The following STRA6 variants were observed in gnomAD, a reference collection of about 807,000 sequenced individuals.
STRA6 encodes the protein receptor for retinol uptake STRA6.
A neutral mutation model predicts 83.6 loss-of-function variants in STRA6; 48 were observed. The observed-to-expected ratio is 0.57, with a 90% CI of 0.46 to 0.73. The LOEUF (loss-of-function observed/expected upper bound fraction) is 0.73. Ranked by LOEUF, STRA6 falls within the 30% of genes least tolerant of loss-of-function variation. The pLI is 0.00. For synonymous variants in STRA6, 353 were observed against 362.3 expected (o/e 0.97, Z 0.29); for missense variants, 760 against 838.8 (o/e 0.91, Z 1.16).
chr15:74,196,057 G>A lies in STRA6; in HGVS notation c.357C>T (p.Pro119=), dbSNP rs139775570. The A allele has an allele frequency of 1.3e-3, 2,173 of 1,613,852 alleles. 2 individuals carry two copies. Among genetic ancestry groups the A allele is most frequent in the Non-Finnish European group, 1.7e-3 (2,009 of 1,180,016 alleles). Residue 119 remains proline (P), a synonymous_variant, in exon 5 of 19, where the codon CCC becomes CCT. Coordinates refer to ENST00000395105, the MANE Select transcript of STRA6 (RefSeq NM_022369.4). ...VLLSSLCLLL[P]DEDALPFLTL... ...TCAGGAAGGGCAATGCGTCCTCGTC[G>A]GGGAGCAGCAAACACAGGGAGCTCA...
At chr15:74,199,780 C>T (rs1256256632) in intron 2 of STRA6, among the ~76,000 whole-genome samples, 1 of 152,128 alleles carries the variant, frequency 6.6e-6, no homozygotes, top group Non-Finnish European at 1.5e-5. Context: ...ACTTTTTGTG[C>T]CATGGGACAG....
intron 17 of STRA6, 76 bp downstream of exon 17, chr15:74,181,219 C>T: frequency 9.5e-6 from 15 of 1,586,196 alleles, no homozygotes; most frequent in Non-Finnish European, 1.2e-5. Flanking sequence ...GCTGGCACGG[C>T]CCTGGGGCAG....
chr15:74,196,195 C>A (rs756150697), intron 4 of STRA6, 48 bp from the exon 5 acceptor site: 3 of 1,608,336 alleles, frequency 1.9e-6, no homozygotes, highest in South Asian at 1.1e-5. Flanking sequence ...TCAGCCCCTG[C>A]ACCCCCATTA....
chr15:74,191,543 G>C (rs551167372), intron 8 of STRA6, 52 bp from the exon 9 acceptor site: 2 of 1,501,506 alleles, frequency 1.3e-6, no homozygotes, highest in African/African-American at 2.7e-5. Context: ...CGACCCATTC[G>C]TGGGTCCCTG....
At chr15:74,189,045 G>A (rs2073396811) in intron 12 of STRA6, 70 bp downstream of exon 12, 1 of 1,581,080 alleles carries the variant, frequency 6.3e-7, no homozygotes, top group Non-Finnish European at 8.6e-7. Context: ...TGGCTGACTA[G>A]GGCATAGACC....
chr15:74,209,169 C>G, upstream of STRA6: 1 of 1,272,550 alleles, frequency 7.9e-7, no homozygotes, highest in South Asian at 1.7e-5. Context: ...AGAGCAGGGG[C>G]TGGGGCCCCA....
intron 12 of STRA6, among the ~76,000 whole-genome samples, chr15:74,185,918 T>A (rs1186382049): frequency 2.6e-5 from 4 of 152,168 alleles, no homozygotes. Context: ...TGCACCCTGA[T>A]CTCATCAGTC....
rs146105072 is a variant in STRA6, at chr15:74,180,194, G to A, written c.1890C>T (p.Pro630=). ...TKDSMAKGAR[P]GASRGRARWG... is the part of the protein sequence containing the mutation. ...AGCGAGCCCTGCCGCGGCTGGCCCCGGGCCTAGCTCCCTTGGCCATGGAGT... is the reference window on the plus strand; with the variant it reads ...AGCGAGCCCTGCCGCGGCTGGCCCCAGGCCTAGCTCCCTTGGCCATGGAGT... Residue 630 remains proline (P), a synonymous_variant, in exon 19 of 19, where the codon CCC becomes CCT. Coordinates refer to ENST00000395105, the MANE Select transcript of STRA6 (RefSeq NM_022369.4). The A allele has an allele frequency of 2.7e-5, 43 of 1,613,958 alleles. No homozygotes were observed. The highest frequency in any genetic ancestry group is 2.0e-4 in the African/African-American group (15 of 74,944).
At position 74,197,772 on chromosome 15, in the gene STRA6, C is replaced by T. The variant is rs370760511; in HGVS notation, c.160G>A (p.Ala54Thr). 3 of 1,613,616 alleles carry T rather than the reference C, an allele frequency of 1.9e-6. No individual in the cohort carries two copies. In the South Asian group the frequency reaches 3.3e-5, roughly 18 times the overall value. Residue 54 changes from alanine (A) to threonine (T), a missense_variant, in exon 3 of 19, where the codon GCC becomes ACC. Transcript: ENST00000395105. ...CTCACTGACAGCGAGGCCAGGCAGG[C>T]GTGGTACAGGCCGGGTGGTATGCTG... ...HTSIPPGLYHACLASLSILVL... is the reference protein window; with the variant it reads ...HTSIPPGLYHTCLASLSILVL...
chr15:74,194,502 T>G, intron 7 of STRA6: 1 of 493,678 alleles, frequency 2.0e-6, no homozygotes, highest in Non-Finnish European at 2.8e-6. Context: ...ACCTCCACCC[T>G]GAGGGACTGG....
At chr15:74,209,460 T>G, upstream of STRA6, 1 of 1,535,212 alleles carries the variant, frequency 6.5e-7, no homozygotes. Flanking sequence ...TGCATCCTGC[T>G]GCTGCCCAGC....
chr15:74,185,804 T>C (rs2073218994), intron 12 of STRA6, among the ~76,000 whole-genome samples: 1 of 152,264 alleles, frequency 6.6e-6, no homozygotes, highest in Admixed American at 6.5e-5. Flanking sequence ...AAGAGGAAGC[T>C]GAGGCTCAGA....
intron 7 of STRA6, chr15:74,194,608 GTGTCA>G (rs2073722342): frequency 5.4e-6 from 3 of 554,980 alleles, no homozygotes; most frequent in Non-Finnish European, 8.1e-6. Flanking sequence ...TTTTGTTTGC[GTGTCA>G]TGTCTGCCCT....
upstream of STRA6, among the ~76,000 whole-genome samples, chr15:74,204,940 A>AG (rs10647648): frequency 3.5e-4 from 53 of 151,728 alleles, no homozygotes; most frequent in Admixed American, 1.6e-3. Flanking sequence ...ATCTCAAAAA[A>AG]AAAGAAAGAA....
At chr15:74,186,634 G>C (rs2073259706) in intron 12 of STRA6, among the ~76,000 whole-genome samples, 1 of 152,184 alleles carries the variant, frequency 6.6e-6, no homozygotes, top group African/African-American at 2.4e-5. Context: ...AGCCGGGCCT[G>C]GTGGTATGTG....
chr15:74,191,482 T>G lies in STRA6; in HGVS notation c.730A>C (p.Ser244Arg). The G allele has an allele frequency of 6.2e-7, 1 of 1,614,106 alleles. No individual in the cohort carries two copies. The highest frequency in any genetic ancestry group is 8.5e-7 in the Non-Finnish European group (1 of 1,179,960). Reference protein sequence around the residue: ...RTGAGSKGLQSSYSEEYLRNL... With the variant: ...RTGAGSKGLQRSYSEEYLRNL... Reference sequence around the variant, plus strand: ...CTCAGATATTCCTCAGAGTAGCTGCTCTGCAGCCCCTGTGGAGACAGACAA... The same window carrying G: ...CTCAGATATTCCTCAGAGTAGCTGCGCTGCAGCCCCTGTGGAGACAGACAA... Residue 244 changes from serine to arginine, a missense_variant, in exon 9 of 19, where the codon AGC (serine) becomes CGC (arginine). Physicochemically the swap from Ser to Arg is moderately radical, Grantham distance 110. Transcript: ENST00000395105.
Position 74,189,294 on chromosome 15 carries a change from G to C in STRA6, c.928-17C>G. The C allele has an allele frequency of 6.3e-7, 1 of 1,581,270 alleles. No homozygotes were observed. Among genetic ancestry groups the C allele is most frequent in the Non-Finnish European group, 8.6e-7 (1 of 1,163,496 alleles). On this transcript the variant is annotated splice_polypyrimidine_tract_variant and intron_variant, in intron 11 of 18. Coordinates refer to ENST00000395105, the MANE Select transcript of STRA6 (RefSeq NM_022369.4). ...CAGGGCCACCTGGAAGAGCCCCACA[G>C]TGAGGGCCCCATCCCAGGAAAGGGT...
intron 2 of STRA6, among the ~76,000 whole-genome samples, chr15:74,200,265 G>A (rs1045415001): frequency 6.6e-6 from 1 of 152,218 alleles, no homozygotes; most frequent in African/African-American, 2.4e-5. Context: ...TTTAGGCAAA[G>A]AAGGGGAGAG....
Position 74,191,062 on chromosome 15 carries a change from T to C in STRA6, c.865+105A>G, listed in dbSNP as rs770846674. On this transcript the variant is annotated intron_variant, in intron 10 of 18. Coordinates refer to ENST00000395105, the MANE Select transcript of STRA6 (RefSeq NM_022369.4). ...CCAAGCTGGTAGTTGTCCCTCTTGA[T>C]GACAAGGATTCTGGGGAGCAGGAGC... is the stretch of plus-strand genomic sequence containing the variant. 5.7e-6 allele frequency: 9 copies of C among 1,568,544 alleles called. No individual in the cohort carries two copies. In the Admixed American group the frequency reaches 7.6e-5, roughly 13 times the overall value.
Sources: allele counts gnomAD v4.1 joint callset (sites outside exome capture counted in the v4.1 genomes callset), GRCh38; gene constraint gnomAD v4.1.1; transcripts MANE v1.5; gene names NCBI Gene and HGNC (gene_info 2026-07-23, HGNC 2026-07-21).